PRSS55: variants seen among roughly 807,000 people sequenced by gnomAD.
PRSS55 encodes probable serine protease UNQ9391/PRO34284.
In PRSS55, 41 loss-of-function variants were observed where a neutral mutation model predicts 23.6. That is an observed-to-expected ratio of 1.74 (90% CI 1.35 to 2.26). PRSS55 has a LOEUF of 2.26. Among genes scored for constraint, PRSS55 ranks in the 30% most tolerant of loss-of-function variants. The pLI, the probability that PRSS55 is intolerant of heterozygous loss-of-function variation, is 0.00. For missense variants in PRSS55, 669 were observed against 439.1 expected, an observed-to-expected ratio of 1.52 and a Z score of -4.68; for synonymous variants, 262 against 175.5, an observed-to-expected ratio of 1.49 and a Z score of -3.90.
At chr8:10,526,007 C>A (rs1053075675) in intron 1 of PRSS55, among the ~76,000 whole-genome samples, 16 of 152,210 alleles carry the variant, frequency 1.1e-4, no homozygotes, top group African/African-American at 3.6e-4. Context: ...GAGACTGAGT[C>A]CTCCCACTTG....
intron 1 of PRSS55, among the ~76,000 whole-genome samples, chr8:10,529,069 C>G (rs1364359095): frequency 6.6e-6 from 1 of 152,234 alleles, no homozygotes; most frequent in African/African-American, 2.4e-5. Context: ...ATTCCATCTC[C>G]AAAGCCCCCC....
intron 1 of PRSS55, among the ~76,000 whole-genome samples, chr8:10,528,162 G>A (rs941067081): frequency 6.8e-6 from 1 of 147,758 alleles, no homozygotes; most frequent in Non-Finnish European, 1.5e-5. Flanking sequence ...TGGTGCCACT[G>A]CACTCCAGCC....
At chr8:10,553,928 A>AT (rs35201635) in intron 4 of PRSS55, 1,618 of 1,415,428 alleles carry the variant, frequency 1.1e-3, no homozygotes, top group South Asian at 1.4e-3. Flanking sequence ...TGTCAATTTA[A>AT]TTTTTTTTTT....
chr8:10,529,746 C>G (rs1196789988), intron 2 of PRSS55, 47 bp downstream of exon 2: 7 of 1,555,116 alleles, frequency 4.5e-6, no homozygotes, highest in Non-Finnish European at 5.3e-6. Flanking sequence ...GCGCCCACCC[C>G]TGGGGCACCC....
intron 4 of PRSS55, among the ~76,000 whole-genome samples, chr8:10,544,566 G>A (rs778083453): frequency 6.6e-6 from 1 of 152,112 alleles, no homozygotes; most frequent in Non-Finnish European, 1.5e-5. Context: ...TTTCCTGTAT[G>A]ATGCTTTTCC....
In PRSS55 at chr8:10,532,895, C is replaced by T. The variant is rs747414121; in HGVS notation, c.599-11C>T. ...CAGTGGCTTCTCTAATGCGCTTTCT[C>T]TCTGGGCCAGCTGACAAAAACTCTG... On this transcript the variant is annotated splice_polypyrimidine_tract_variant and intron_variant, in intron 3 of 4. Coordinates refer to ENST00000328655, the MANE Select transcript of PRSS55 (RefSeq NM_198464.4). The T allele has an allele frequency of 2.0e-5, 32 of 1,614,026 alleles. No homozygotes were observed. The highest frequency in any genetic ancestry group is 2.5e-5 in the Non-Finnish European group (29 of 1,180,002).
rs778688749 is a variant in PRSS55 at position 10,531,455 on chromosome 8, G to A, written c.508G>A (p.Asp170Asn). The A allele has an allele frequency of 1.2e-6, 2 of 1,614,128 alleles. No homozygotes were observed. Among genetic ancestry groups the A allele is most frequent in the South Asian group, 2.2e-5 (2 of 91,072 alleles). The change falls in exon 3 of 5, where the codon GAC (aspartate) becomes AAC (asparagine). Residue 170 changes from aspartate to asparagine, a missense_variant. Transcript: ENST00000328655. ...LLLASPIKLD[D>N]LKVPICLPTQ... is the part of the protein sequence containing the mutation. Reference sequence around the variant, plus strand: ...GCTGGCTTCGCCCATCAAGCTCGATGACCTGAAGGTGCCCATCTGCCTCCC... The same window carrying A: ...GCTGGCTTCGCCCATCAAGCTCGATAACCTGAAGGTGCCCATCTGCCTCCC...
chr8:10,546,336 G>A (rs911517112), intron 4 of PRSS55, among the ~76,000 whole-genome samples: 4 of 152,130 alleles, frequency 2.6e-5, no homozygotes, highest in African/African-American at 2.4e-5. Flanking sequence ...AAGCTTAGCC[G>A]CATGACCCCA....
At chr8:10,537,412 T>TA (rs569265891) in intron 4 of PRSS55, among the ~76,000 whole-genome samples, 12 of 151,470 alleles carry the variant, frequency 7.9e-5, no homozygotes, top group Non-Finnish European at 1.2e-4. Flanking sequence ...AATGGAAGCT[T>TA]AAAAAAAAAC....
downstream of PRSS55, among the ~76,000 whole-genome samples, chr8:10,542,821 C>T (rs1300080383): frequency 9.3e-5 from 13 of 139,938 alleles, no homozygotes; most frequent in South Asian, 2.3e-4. Context: ...TGCAGTGAGT[C>T]GAGATCATGC....
downstream of PRSS55, among the ~76,000 whole-genome samples, chr8:10,539,535 C>G (rs987329602): frequency 6.6e-6 from 1 of 152,236 alleles, no homozygotes; most frequent in African/African-American, 2.4e-5. Flanking sequence ...TATGTCCCCA[C>G]TCAAATCTCA....
chr8:10,544,262 A>G (rs1161325508), intron 4 of PRSS55, among the ~76,000 whole-genome samples: 1 of 152,180 alleles, frequency 6.6e-6, no homozygotes, highest in African/African-American at 2.4e-5. Context: ...CCCTTTAGTC[A>G]TTATAAAATG....
At chr8:10,552,264 G>C (rs966830786) in intron 4 of PRSS55, among the ~76,000 whole-genome samples, 2 of 152,242 alleles carry the variant, frequency 1.3e-5, no homozygotes, top group Admixed American at 6.5e-5. Flanking sequence ...TTCTTTGAGA[G>C]AGTGAAATCA....
At chr8:10,539,667 G>C (rs569508141), downstream of PRSS55, among the ~76,000 whole-genome samples, 15 of 152,320 alleles carry the variant, frequency 9.8e-5, no homozygotes, top group Admixed American at 2.6e-4. Context: ...CACGAGATCT[G>C]ATGGTTTTAT....
intron 4 of PRSS55, among the ~76,000 whole-genome samples, chr8:10,551,489 G>A (rs767770148): frequency 1.3e-5 from 2 of 152,194 alleles, no homozygotes; most frequent in Non-Finnish European, 2.9e-5. Context: ...AGGCTGTGAC[G>A]TGCAGCACAG....
At chr8:10,537,632 C>G (rs983245505) in intron 4 of PRSS55, among the ~76,000 whole-genome samples, 2 of 152,192 alleles carry the variant, frequency 1.3e-5, no homozygotes, top group African/African-American at 4.8e-5. Context: ...ATGATAAACG[C>G]TTGAGGGGAT....
intron 1 of PRSS55, among the ~76,000 whole-genome samples, chr8:10,526,159 G>C (rs1035554078): frequency 6.6e-6 from 1 of 152,162 alleles, no homozygotes; most frequent in East Asian, 1.9e-4. Context: ...AGAGCTCCCT[G>C]ATGGCTCATT....
intron 4 of PRSS55, among the ~76,000 whole-genome samples, chr8:10,552,098 C>G (rs1371884729): frequency 5.3e-5 from 8 of 152,202 alleles, no homozygotes; most frequent in Admixed American, 5.2e-4. Context: ...AGGGAAATGT[C>G]TTCATGCTTA....
chr8:10,535,992 C>G (rs960460469), intron 4 of PRSS55, among the ~76,000 whole-genome samples: 7 of 152,302 alleles, frequency 4.6e-5, no homozygotes, highest in Admixed American at 4.6e-4. Flanking sequence ...CAAGACCATC[C>G]TGGCTAACAC....
Sources: gnomAD v4.1 joint callset for allele counts (sites outside exome capture counted in the v4.1 genomes callset) on GRCh38, gnomAD v4.1.1 for gene constraint, MANE v1.5 for transcripts, NCBI Gene and HGNC (gene_info 2026-07-23, HGNC 2026-07-21) for gene names.